JPH3: variants seen among roughly 807,000 people sequenced by gnomAD.
JPH3 encodes junctophilin 3, also known as junctophilin-3.
In JPH3, 11 loss-of-function variants were observed where a neutral mutation model predicts 59.6. The observed-to-expected ratio is 0.18, with a 90% CI of 0.12 to 0.31. The LOEUF is 0.31. Among genes scored for constraint, JPH3 ranks in the 10% least tolerant of loss-of-function variants. The pLI, the probability that JPH3 is intolerant of heterozygous loss-of-function variation, is 1.00. For synonymous variants in JPH3, 673 were observed against 483.6 expected (o/e 1.39, Z -5.14); for missense variants, 1,202 against 1,105.7 (o/e 1.09, Z -1.24).
intron 2 of JPH3, among the ~76,000 whole-genome samples, chr16:87,675,071 A>G (rs1304053306): frequency 1.3e-5 from 2 of 152,044 alleles, no homozygotes; most frequent in Non-Finnish European, 2.9e-5. Flanking sequence ...CAACTTTTGT[A>G]TATTTTAAAA....
At chr16:87,692,948 C>T (rs1219724022) in intron 4 of JPH3, among the ~76,000 whole-genome samples, 1 of 152,238 alleles carries the variant, frequency 6.6e-6, no homozygotes, top group African/African-American at 2.4e-5. Flanking sequence ...TAGCATCCGG[C>T]CCTTCCTCCT....
At chr16:87,623,210 A>C (rs1227837993) in intron 1 of JPH3, among the ~76,000 whole-genome samples, 2 of 152,210 alleles carry the variant, frequency 1.3e-5, no homozygotes, top group Non-Finnish European at 2.9e-5. Flanking sequence ...CAAGGACCTC[A>C]GCACCTTCCT....
chr16:87,632,070 A>G lies in JPH3; in HGVS notation c.383-12188A>G, dbSNP rs190272182. ...TGTCTGAGGACCGTTGACTGTTCAT[A>G]TATTAAAGTGAGGTACGAAAAAGCT... On this transcript the variant is annotated intron_variant, in intron 1 of 4. Transcript: ENST00000284262. 2.0e-5 allele frequency among the ~76,000 whole-genome samples: 3 copies of G among 152,086 alleles called. No individual in the cohort carries two copies. In the East Asian group the frequency reaches 5.8e-4, roughly 29 times the overall value.
At chr16:87,667,929 C>T (rs149906322) in intron 2 of JPH3, among the ~76,000 whole-genome samples, 120 of 152,310 alleles carry the variant, frequency 7.9e-4, no homozygotes, top group Middle Eastern at 3.4e-3. Context: ...GGCGCGTGCA[C>T]AGGCCCCTGC....
intron 3 of JPH3, among the ~76,000 whole-genome samples, chr16:87,685,875 C>T (rs1375503889): frequency 6.6e-6 from 1 of 152,192 alleles, no homozygotes; most frequent in Non-Finnish European, 1.5e-5. Flanking sequence ...AGAGACGCAT[C>T]CACCGGAAGC....
intron 1 of JPH3, among the ~76,000 whole-genome samples, chr16:87,641,780 T>A (rs1326677431): frequency 1.3e-5 from 2 of 152,236 alleles, no homozygotes; most frequent in Non-Finnish European, 2.9e-5. Context: ...GCACGCCCCT[T>A]CTCTGCCCTG....
At chr16:87,643,681 C>T (rs2032032077) in intron 1 of JPH3, among the ~76,000 whole-genome samples, 1 of 152,184 alleles carries the variant, frequency 6.6e-6, no homozygotes, top group Non-Finnish European at 1.5e-5. Flanking sequence ...CACTCTGCAC[C>T]ACAGACTCTG....
intron 4 of JPH3, chr16:87,695,572 A>T (rs879220547): frequency 4.4e-6 from 2 of 455,540 alleles, no homozygotes; most frequent in South Asian, 3.1e-5. Context: ...CTCTGGAAGC[A>T]GACTGTGGGC....
chr16:87,627,862 C>G (rs1247546786), intron 1 of JPH3, among the ~76,000 whole-genome samples: 1 of 152,222 alleles, frequency 6.6e-6, no homozygotes, highest in East Asian at 1.9e-4. Flanking sequence ...CAGGTAACAG[C>G]ATCAGCCAGG....
At chr16:87,647,471 AC>A in intron 2 of JPH3, among the ~76,000 whole-genome samples, 1 of 151,902 alleles carries the variant, frequency 6.6e-6, no homozygotes, top group East Asian at 1.9e-4. Flanking sequence ...CCCCCTGCCA[AC>A]CCCCCGACAG....
intron 1 of JPH3, among the ~76,000 whole-genome samples, chr16:87,606,935 A>G (rs930207971): frequency 3.3e-5 from 5 of 152,120 alleles, no homozygotes; most frequent in African/African-American, 4.8e-5. Context: ...TGTTATTCTC[A>G]TTTTCCACAC....
intron 1 of JPH3, among the ~76,000 whole-genome samples, chr16:87,635,133 C>T (rs943934776): frequency 6.6e-6 from 1 of 152,166 alleles, no homozygotes; most frequent in Non-Finnish European, 1.5e-5. Context: ...GTCTCCTGGG[C>T]AGGGCTGTGG....
intron 2 of JPH3, among the ~76,000 whole-genome samples, chr16:87,665,809 G>A (rs2032842811): frequency 1.3e-5 from 2 of 152,194 alleles, no homozygotes; most frequent in South Asian, 4.1e-4. Context: ...GAGGCCGATG[G>A]GGCAAAGACC....
At chr16:87,639,443 A>G (rs951362231) in intron 1 of JPH3, among the ~76,000 whole-genome samples, 1 of 152,140 alleles carries the variant, frequency 6.6e-6, no homozygotes, top group Non-Finnish European at 1.5e-5. Flanking sequence ...AAAAATACAC[A>G]TAACCTACAG....
intron 1 of JPH3, among the ~76,000 whole-genome samples, chr16:87,620,860 G>T (rs1027403002): frequency 6.6e-6 from 1 of 152,180 alleles, no homozygotes; most frequent in Admixed American, 6.5e-5. Context: ...AGGAGCATTC[G>T]AAAGAAACTG....
At chr16:87,674,817 G>A (rs1201683195) in intron 2 of JPH3, among the ~76,000 whole-genome samples, 8 of 152,236 alleles carry the variant, frequency 5.3e-5, no homozygotes, top group Middle Eastern at 3.4e-3. Context: ...CTGGAATGCA[G>A]TGGCGCGATC....
intron 2 of JPH3, among the ~76,000 whole-genome samples, chr16:87,652,274 C>G (rs1186850140): frequency 6.6e-6 from 1 of 152,220 alleles, no homozygotes; most frequent in Non-Finnish European, 1.5e-5. Context: ...CGCGCCCAGC[C>G]TGTTAGAAGT....
Position 87,603,447 on chromosome 16 carries a change from G to T in JPH3, c.301G>T (p.Ala101Ser). 1 of 1,566,578 alleles carries T rather than the reference G, an allele frequency of 6.4e-7. No individual in the cohort carries two copies. The highest frequency in any genetic ancestry group is 2.4e-5 in the East Asian group (1 of 41,664). ...FKGRYGVREC[A>S]GNGAKYEGTW... ...GGGGCGCTACGGGGTGCGGGAGTGC[G>T]CGGGCAACGGGGCCAAATACGAAGG... Residue 101 changes from alanine to serine, a missense_variant, in exon 1 of 5, where the codon GCG (alanine) becomes TCG (serine). By Grantham distance (99) the Ala-to-Ser change is moderately conservative (BLOSUM62 1). Transcript: ENST00000284262.
At chr16:87,694,427 C>T (rs933957924) in intron 4 of JPH3, 1 of 152,214 alleles carries the variant, frequency 6.6e-6, no homozygotes, top group African/African-American at 2.4e-5. Flanking sequence ...GACGGTCAAG[C>T]AGGAGGCTGC....
Sources: gnomAD v4.1 joint callset for allele counts (sites outside exome capture counted in the v4.1 genomes callset) on GRCh38, gnomAD v4.1.1 for gene constraint, MANE v1.5 for transcripts, NCBI Gene and HGNC (gene_info 2026-07-23, HGNC 2026-07-21) for gene names.